The following DAB1 variants were observed in gnomAD, a reference collection of about 807,000 sequenced individuals.
The protein encoded by DAB1 is DAB adaptor protein 1, also known as disabled homolog 1.
DAB1 carries 15 observed loss-of-function variants against 64.6 expected under a neutral mutation model. That is an observed-to-expected ratio of 0.23 (90% CI 0.16 to 0.36). The LOEUF (loss-of-function observed/expected upper bound fraction) is 0.36. Ranked by LOEUF, DAB1 falls within the 10% of genes least tolerant of loss-of-function variation. The pLI, the probability that DAB1 is intolerant of heterozygous loss-of-function variation, is 1.00. For missense variants in DAB1, 596 were observed against 706.7 expected (o/e 0.84, Z 1.78); for synonymous variants, 235 against 251.9 (o/e 0.93, Z 0.64).
At chr1:57,862,103 C>A (rs1654069147) in intron 1 of DAB1, among the ~76,000 whole-genome samples, 1 of 152,190 alleles carries the variant, frequency 6.6e-6, no homozygotes, top group Non-Finnish European at 1.5e-5. Flanking sequence ...GGTCTCACTT[C>A]TGTTCCCTAA....
intron 12 of DAB1, 130 bp from the exon 13 acceptor site, chr1:57,011,402 T>A: frequency 9.0e-7 from 1 of 1,105,534 alleles, no homozygotes; most frequent in South Asian, 1.6e-5. Flanking sequence ...TCCAGTGGAA[T>A]CAGTTGAATA....
rs370136434 is a variant in DAB1 at position 58,207,362 on chromosome 1, T to C, written n.310-56774A>G. ...GGGTAGGAAAACATCTATGCATGGT[T>C]GGGAAAAGAGAAAGTTCCCTAGGTG... On this transcript the variant is annotated intron_variant and non_coding_transcript_variant, in intron 4 of 20. Coordinates refer to the DAB1 transcript ENST00000485760. 6.6e-5 allele frequency among the ~76,000 whole-genome samples: 10 copies of C among 152,326 alleles called. No homozygotes were observed. In the East Asian group the frequency reaches 1.9e-3, roughly 29 times the overall value.
chr1:57,048,608 A>T (rs748644119), intron 9 of DAB1, among the ~76,000 whole-genome samples: 1 of 152,212 alleles, frequency 6.6e-6, no homozygotes, highest in Non-Finnish European at 1.5e-5. Context: ...AGTAGTTTTC[A>T]TACTACCTTC....
intron 6 of DAB1, among the ~76,000 whole-genome samples, chr1:57,680,035 T>G (rs1339750770): frequency 6.6e-6 from 1 of 152,248 alleles, no homozygotes. Flanking sequence ...AGGTCCATAC[T>G]ATGTTATGAT....
intron 3 of DAB1, among the ~76,000 whole-genome samples, chr1:58,423,493 C>G (rs113884915): frequency 1.3e-5 from 2 of 152,188 alleles, no homozygotes; most frequent in Non-Finnish European, 2.9e-5. Context: ...GCTGGTTATC[C>G]TCCACTTGCC....
chr1:58,310,131 G>C (rs557562852), intron 4 of DAB1, among the ~76,000 whole-genome samples: 1 of 152,160 alleles, frequency 6.6e-6, no homozygotes, highest in African/African-American at 2.4e-5. Flanking sequence ...GCCCTAAAGA[G>C]AATATCACAT....
intron 1 of DAB1, among the ~76,000 whole-genome samples, chr1:57,393,553 G>A (rs1375253168): frequency 6.6e-6 from 1 of 152,058 alleles, no homozygotes; most frequent in Non-Finnish European, 1.5e-5. Context: ...AAAATTAGCT[G>A]GGCATGGTGG....
Position 57,011,247 on chromosome 1 carries a change from G to C in DAB1, c.1470C>G (p.Ser490Arg). ...GGGATGCAGATGATTTGGATGGAGA[G>C]CTCTGTCTAGGGGCTGGGGTTGGAG... is the stretch of plus-strand genomic sequence containing the variant. ...NSPPTPAPRQ[S>R]SPSKSSASHA... The change falls in exon 13 of 15, where the codon AGC becomes AGG. Residue 490 changes from serine (S) to arginine (R), a missense_variant. By Grantham distance (110) the Ser-to-Arg change is moderately radical. Transcript: ENST00000371236. 1 of 1,614,034 alleles carries C rather than the reference G, an allele frequency of 6.2e-7. No individual in the cohort carries two copies. Among genetic ancestry groups the C allele is most frequent in the Non-Finnish European group, 8.5e-7 (1 of 1,179,900 alleles).
At chr1:57,331,766 G>T (rs1025594722) in intron 1 of DAB1, among the ~76,000 whole-genome samples, 1 of 152,104 alleles carries the variant, frequency 6.6e-6, no homozygotes, top group Non-Finnish European at 1.5e-5. Flanking sequence ...TTCTTCTTTT[G>T]TCTCTTGCAC....
intron 7 of DAB1, among the ~76,000 whole-genome samples, chr1:57,562,853 G>A (rs1570629604): frequency 1.3e-5 from 2 of 152,280 alleles, no homozygotes; most frequent in Non-Finnish European, 2.9e-5. Flanking sequence ...CTCCCTTTAA[G>A]TTAACAGGCT....
At chr1:57,998,091 T>C (rs1749778) in intron 5 of DAB1, among the ~76,000 whole-genome samples, 71,636 of 151,966 alleles carry the variant, frequency 0.47, 17,653 homozygotes, top group East Asian at 0.75. Flanking sequence ...TTTGATCTGC[T>C]CCTTTGCAAG....
At chr1:57,142,240 C>G (rs897631883) in intron 3 of DAB1, among the ~76,000 whole-genome samples, 3 of 152,140 alleles carry the variant, frequency 2.0e-5, no homozygotes, top group Non-Finnish European at 4.4e-5. Context: ...GCACCAGCTT[C>G]AGAGAGTCTA....
rs1037385126 is a variant in DAB1 at position 57,410,115 on chromosome 1, A to G, written c.-137+13815T>C. 5.3e-5 allele frequency among the ~76,000 whole-genome samples: 8 copies of G among 152,236 alleles called. 1 individual carries two copies. The South Asian group carries it at 6.2e-4, about 12-fold the overall frequency. ...GGAAAGAAAGGAAGAATGAAAGGAC[A>G]GGACAGAAAAGGATAAGAAAATAAA... On this transcript the variant is annotated intron_variant, in intron 1 of 14. Coordinates refer to ENST00000371236, the MANE Select transcript of DAB1 (RefSeq NM_001365792.1).
intron 3 of DAB1, among the ~76,000 whole-genome samples, chr1:58,433,835 A>C (rs558883210): frequency 6.6e-6 from 1 of 152,172 alleles, no homozygotes; most frequent in South Asian, 2.1e-4. Context: ...ACATTGTTGT[A>C]TTGGGTATAA....
chr1:57,219,264 AACACACACAC>A (rs60049165), intron 2 of DAB1, among the ~76,000 whole-genome samples: 5 of 149,542 alleles, frequency 3.3e-5, no homozygotes, highest in Middle Eastern at 3.3e-3. Flanking sequence ...GAGGCATTTC[AACACACACAC>A]ACACACACAC....
intron 5 of DAB1, among the ~76,000 whole-genome samples, chr1:58,027,438 T>C (rs1055226816): frequency 1.3e-5 from 2 of 152,140 alleles, no homozygotes; most frequent in African/African-American, 4.8e-5. Flanking sequence ...CTTTATAACA[T>C]AATAATGATA....
At chr1:57,836,376 C>G (rs1334155520) in intron 1 of DAB1, among the ~76,000 whole-genome samples, 8 of 152,278 alleles carry the variant, frequency 5.3e-5, no homozygotes, top group South Asian at 4.1e-4. Flanking sequence ...TCTGGCATGT[C>G]AAGTAAAATA....
chr1:58,020,613 TA>T (rs1646801672), intron 5 of DAB1, among the ~76,000 whole-genome samples: 2 of 151,908 alleles, frequency 1.3e-5, no homozygotes, highest in East Asian at 1.9e-4. Context: ...GCAGGTTCTG[TA>T]AAAAAAAGTC....
intron 9 of DAB1, among the ~76,000 whole-genome samples, chr1:57,029,889 G>A (rs1431782188): frequency 6.6e-6 from 1 of 152,188 alleles, no homozygotes; most frequent in Non-Finnish European, 1.5e-5. Flanking sequence ...TCTCAGATGA[G>A]ACTTTGGACT....
Sources: gnomAD v4.1 joint callset for allele counts (sites outside exome capture counted in the v4.1 genomes callset) on GRCh38, gnomAD v4.1.1 for gene constraint, MANE v1.5 for transcripts, NCBI Gene and HGNC (gene_info 2026-07-23, HGNC 2026-07-21) for gene names.